Variants in ZNF280D observed in about 807,000 individuals in gnomAD.
ZNF280D encodes suppressor of hairy wing homolog 4.
A neutral mutation model predicts 94.7 loss-of-function variants in ZNF280D; 39 were observed. The observed-to-expected ratio is 0.41, with a 90% CI of 0.32 to 0.54. The LOEUF (loss-of-function observed/expected upper bound fraction) is 0.54. ZNF280D is among the 20% of genes least tolerant of loss of function. The probability of loss-of-function intolerance (pLI) is 0.22; values close to 1 mark genes in which losing one functional copy is unlikely to be tolerated. For synonymous variants in ZNF280D, 398 were observed against 377.6 expected, an observed-to-expected ratio of 1.05 and a Z score of -0.63; for missense variants, 1,090 against 1,149.3, an observed-to-expected ratio of 0.95 and a Z score of 0.75.
chr15:56,674,478 C>T (rs972872126), intron 13 of ZNF280D, among the ~76,000 whole-genome samples: 8 of 151,976 alleles, frequency 5.3e-5, no homozygotes, highest in Admixed American at 2.0e-4. Context: ...GTAATTCTTA[C>T]TATATGTAAT....
intron 6 of ZNF280D, among the ~76,000 whole-genome samples, chr15:56,694,529 G>C (rs189071424): frequency 4.5e-4 from 69 of 152,192 alleles, no homozygotes; most frequent in Non-Finnish European, 7.5e-4. Flanking sequence ...AGAGAATTCA[G>C]AAGTCAAATA....
chr15:56,705,666 T>C lies in ZNF280D; in HGVS notation c.29-1399A>G, dbSNP rs139940920. 1.1e-3 allele frequency among the ~76,000 whole-genome samples: 161 copies of C among 152,322 alleles called. 1 individual carries two copies. Among genetic ancestry groups the C allele is most frequent in the South Asian group, 4.3e-3 (21 of 4,828 alleles). On this transcript the variant is annotated intron_variant, in intron 3 of 21. Coordinates refer to ENST00000267807, the MANE Select transcript of ZNF280D (RefSeq NM_017661.4). ...TAACTCTTGGTTCAATTATAATTCC[T>C]CTTGTAAACCATTAGATTTTACTTT...
rs569553135 is a variant in ZNF280D, at chr15:56,632,551, A to G, written c.2316-429T>C. Among the ~76,000 whole-genome samples, 21 of 148,094 alleles carry G rather than the reference A, an allele frequency of 1.4e-4. No individual in the cohort carries two copies. The South Asian group carries it at 4.5e-3, about 32-fold the overall frequency. On this transcript the variant is annotated intron_variant, in intron 21 of 21. Transcript: ENST00000267807. ...CTTGCTCTGTCACCCAGACAGGAAC[A>G]CAGTGGTGCAAATATCTCACTGCAG...
intron 13 of ZNF280D, among the ~76,000 whole-genome samples, chr15:56,671,410 A>C (rs951720315): frequency 4.6e-5 from 7 of 152,050 alleles, no homozygotes; most frequent in Non-Finnish European, 1.0e-4. Flanking sequence ...CAGTTTCCCA[A>C]TGACCATTTA....
At chr15:56,693,751 C>G (rs540769749) in intron 6 of ZNF280D, among the ~76,000 whole-genome samples, 1 of 151,880 alleles carries the variant, frequency 6.6e-6, no homozygotes, top group African/African-American at 2.4e-5. Flanking sequence ...GGCAAACAAA[C>G]GGAATCAATC....
intron 6 of ZNF280D, among the ~76,000 whole-genome samples, chr15:56,696,978 A>AT: frequency 6.6e-6 from 1 of 152,180 alleles, no homozygotes; most frequent in African/African-American, 2.4e-5. Flanking sequence ...TCTTGCTTTT[A>AT]TTTTTTTTCC....
chr15:56,700,252 C>A (rs755281119), intron 6 of ZNF280D: 144 of 835,468 alleles, frequency 1.7e-4, no homozygotes, highest in Non-Finnish European at 1.9e-4. Flanking sequence ...GGATTGAAAT[C>A]CCAGATCCAT....
In ZNF280D at chr15:56,650,759, A is replaced by G. The variant is rs538843038; in HGVS notation, c.2213+3439T>C. ...TTACAAAACTCAAACCTTTACTTCT[A>G]TTTTGTTATAATTCATCCATCCAGG... is the stretch of plus-strand genomic sequence containing the variant. On this transcript the variant is annotated intron_variant, in intron 19 of 21. Transcript: ENST00000267807. 7.9e-5 allele frequency among the ~76,000 whole-genome samples: 12 copies of G among 152,286 alleles called. No individual in the cohort carries two copies. In the East Asian group the frequency reaches 1.9e-3, roughly 24 times the overall value.
At chr15:56,672,438 C>A (rs1406829179) in intron 13 of ZNF280D, among the ~76,000 whole-genome samples, 3 of 152,050 alleles carry the variant, frequency 2.0e-5, no homozygotes, top group Admixed American at 2.0e-4. Context: ...TTGAGATAAT[C>A]ATGCGATTTT....
At position 56,654,426 on chromosome 15, in the gene ZNF280D, C is replaced by T. The variant is rs1465590517; in HGVS notation, c.2135G>A (p.Ser712Asn). The T allele has an allele frequency of 1.2e-6, 2 of 1,611,858 alleles. No individual in the cohort carries two copies. Among genetic ancestry groups the T allele is most frequent in the African/African-American group, 1.3e-5 (1 of 74,730 alleles). Residue 712 changes from serine (S) to asparagine (N), a missense_variant, in exon 18 of 22, where the codon AGT (serine) becomes AAT (asparagine). Ser to Asn is a conservative substitution (Grantham distance 46, BLOSUM62 1). Transcript: ENST00000267807. ...SGLDNMATHL[S>N]QHKTHTCQVV... Reference sequence around the variant, plus strand: ...TTGGCAAGTATGAGTTTTATGTTGACTTAAGTGTGTAGCCATATTATCTAA... The same window carrying T: ...TTGGCAAGTATGAGTTTTATGTTGATTTAAGTGTGTAGCCATATTATCTAA...
At chr15:56,704,721 T>C (rs1596578823) in intron 3 of ZNF280D, among the ~76,000 whole-genome samples, 1 of 151,958 alleles carries the variant, frequency 6.6e-6, no homozygotes, top group South Asian at 2.1e-4. Flanking sequence ...TGGCTCACAC[T>C]TGTAATCCCA....
chr15:56,711,756 C>G (rs779237046), intron 1 of ZNF280D, among the ~76,000 whole-genome samples: 15 of 152,206 alleles, frequency 9.9e-5, no homozygotes, highest in African/African-American at 3.1e-4. Flanking sequence ...GTTTTATGGT[C>G]ATGCATCACT....
chr15:56,695,346 T>C (rs189882893), intron 6 of ZNF280D, among the ~76,000 whole-genome samples: 1 of 152,226 alleles, frequency 6.6e-6, no homozygotes, highest in East Asian at 1.9e-4. Flanking sequence ...GTGCTGGGAT[T>C]ACAGGGGTAA....
rs778991678 is a variant in ZNF280D at position 56,631,731 on chromosome 15, G to T, written c.2707C>A (p.Pro903Thr). Residue 903 changes from proline to threonine, a missense_variant, in exon 22 of 22, where the codon CCT becomes ACT. Around this residue, in one of 3 missense-constraint regions of ZNF280D, gnomAD observed 577 missense variants for 568.8 expected, o/e 1.01. Coordinates refer to ENST00000267807, the MANE Select transcript of ZNF280D (RefSeq NM_017661.4). The stretch of plus-strand genomic sequence containing the variant: ...CTAACATCAGAACTAACAGATTCAG[G>T]TTCATGTCTTTTTCTCAAAAACTGA... ...IDQFLRKRHEPESVSSDVSEQ... is the reference protein window; with the variant it reads ...IDQFLRKRHETESVSSDVSEQ... 6.3e-5 allele frequency: 101 copies of T among 1,613,984 alleles called. No homozygotes were observed. The highest frequency in any genetic ancestry group is 8.3e-5 in the Non-Finnish European group (98 of 1,180,002).
chr15:56,639,894 G>C (rs2052541209), intron 20 of ZNF280D, among the ~76,000 whole-genome samples: 1 of 152,042 alleles, frequency 6.6e-6, no homozygotes, highest in Non-Finnish European at 1.5e-5. Context: ...CACAGGCTTA[G>C]GGAGCAACTA....
At chr15:56,663,159 T>C (rs1289126065) in intron 16 of ZNF280D, among the ~76,000 whole-genome samples, 6 of 150,598 alleles carry the variant, frequency 4.0e-5, no homozygotes, top group African/African-American at 1.5e-4. Context: ...AGTGCATGCC[T>C]GTAAGTCCCA....
intron 6 of ZNF280D, among the ~76,000 whole-genome samples, chr15:56,697,093 A>G (rs544006639): frequency 1.3e-5 from 2 of 152,366 alleles, no homozygotes; most frequent in South Asian, 4.1e-4. Context: ...TATAATAAGC[A>G]TAAAAGAAAC....
intron 13 of ZNF280D, among the ~76,000 whole-genome samples, chr15:56,670,533 T>C (rs2054790657): frequency 6.6e-6 from 1 of 152,046 alleles, no homozygotes; most frequent in Non-Finnish European, 1.5e-5. Context: ...ATTCCTTTCT[T>C]TGGCTGCATA....
Position 56,635,321 on chromosome 15 carries a change from T to G in ZNF280D, c.2260-71A>C, listed in dbSNP as rs1216635432. On this transcript the variant is annotated intron_variant, in intron 20 of 21. Transcript: ENST00000267807. ...TAAAACTATTTTTATTATACTAAACTTTCTGGATAAAAGAAACAAGTGTGC... is the reference window on the plus strand; with the variant it reads ...TAAAACTATTTTTATTATACTAAACGTTCTGGATAAAAGAAACAAGTGTGC... 5.2e-6 allele frequency: 4 copies of G among 772,740 alleles called. No homozygotes were observed. The African/African-American group carries it at 7.4e-5, about 14-fold the overall frequency. The allele number at this position is 772,740 out of a possible 1,614,324, so 47.9% of individuals were successfully genotyped here. A position where few individuals can be genotyped will look rare whatever the true frequency, so the allele number is the denominator to read the frequency against.
Sources: allele counts gnomAD v4.1 joint callset (sites outside exome capture counted in the v4.1 genomes callset), GRCh38; gene constraint gnomAD v4.1.1; regional missense constraint gnomAD v4.1.1; transcripts MANE v1.5; gene names NCBI Gene and HGNC (gene_info 2026-07-23, HGNC 2026-07-21).